Variants in STARD4 observed in about 807,000 individuals in gnomAD.
STARD4 encodes StAR related lipid transfer domain containing 4.
In STARD4, 33 loss-of-function variants were observed where a neutral mutation model predicts 24.9. That is an observed-to-expected ratio of 1.32 (90% CI 1.00 to 1.77). The LOEUF (loss-of-function observed/expected upper bound fraction) is 1.77, where lower values mean the gene tolerates loss of function less well. Ranked by LOEUF, STARD4 falls within the 40% of genes most tolerant of loss-of-function variation. The probability of loss-of-function intolerance (pLI) is 0.00; values close to 1 mark genes in which losing one functional copy is unlikely to be tolerated. For synonymous variants in STARD4, 88 were observed against 77.4 expected, an observed-to-expected ratio of 1.14 and a Z score of -0.72; for missense variants, 238 against 249.3, an observed-to-expected ratio of 0.95 and a Z score of 0.31.
At chr5:111,509,098 G>A (rs1450820411) in intron 1 of STARD4, among the ~76,000 whole-genome samples, 3 of 151,974 alleles carry the variant, frequency 2.0e-5, no homozygotes, top group Non-Finnish European at 4.4e-5. Flanking sequence ...CCATTCAAGA[G>A]GCTGTCAACT....
Position 111,506,335 on chromosome 5 carries a change from T to G in STARD4, c.150A>C (p.Gly50=). ...VWRKPSEEFN[G]YLYKAQGVID... is the part of the protein sequence containing the mutation. ...GTCTATAAAAAGTTACTTACAGATA[T>G]CCATTAAATTCTTCTGAGGGTTTTC... The change falls in exon 3 of 6, where the codon GGA becomes GGC. Residue 50 remains glycine (G), a synonymous_variant. Transcript: ENST00000296632. The G allele has an allele frequency of 1.3e-6, 2 of 1,491,446 alleles. No homozygotes were observed. Among genetic ancestry groups the G allele is most frequent in the Non-Finnish European group, 1.8e-6 (2 of 1,086,168 alleles). The allele number at this position is 1,491,446 out of a possible 1,614,324, so 92.4% of individuals were successfully genotyped here.
At chr5:111,500,594 A>G (rs1330495396) in intron 5 of STARD4, 1 of 1,103,586 alleles carries the variant, frequency 9.1e-7, no homozygotes, top group Non-Finnish European at 1.1e-6. Context: ...CAATGGCAGT[A>G]TTTTTAATCT....
intron 3 of STARD4, among the ~76,000 whole-genome samples, chr5:111,503,626 T>TCAAA (rs750810147): frequency 2.0e-5 from 3 of 152,146 alleles, no homozygotes; most frequent in African/African-American, 4.8e-5. Flanking sequence ...AAACTCCGTC[T>TCAAA]CAAACAAACA....
rs374539997 is a variant in STARD4, at chr5:111,499,955, C to T, written c.549G>A (p.Gln183=). 15 of 1,614,150 alleles carry T rather than the reference C, an allele frequency of 9.3e-6. No homozygotes were observed. The African/African-American group carries it at 2.0e-4, about 22-fold the overall frequency. ...IQTDLRGMIP[Q]SAVDTAMAST... ...TTGCCATGGCTGTATCTACCGCAGA[C>T]TGAGGAATCATCCCACGCAGATCTG... The change falls in exon 6 of 6, where the codon CAG becomes CAA. Residue 183 remains glutamine, a synonymous_variant. Coordinates refer to ENST00000296632, the MANE Select transcript of STARD4 (RefSeq NM_139164.3).
intron 1 of STARD4, among the ~76,000 whole-genome samples, chr5:111,509,333 A>G (rs771492696): frequency 3.9e-5 from 6 of 152,160 alleles, no homozygotes; most frequent in Non-Finnish European, 8.8e-5. Context: ...AGTTATTATT[A>G]TCATAAGCAA....
chr5:111,508,867 T>C (rs1166982202), intron 1 of STARD4, among the ~76,000 whole-genome samples: 1 of 152,148 alleles, frequency 6.6e-6, no homozygotes, highest in Admixed American at 6.5e-5. Flanking sequence ...ATTAAGGTTG[T>C]AGCCAATATT....
intron 3 of STARD4, among the ~76,000 whole-genome samples, chr5:111,505,263 T>C (rs1419580445): frequency 1.3e-5 from 2 of 152,216 alleles, no homozygotes; most frequent in South Asian, 2.1e-4. Context: ...ATTACTAATT[T>C]AAAGAATTAA....
At chr5:111,509,521 C>A (rs1230165668) in intron 1 of STARD4, among the ~76,000 whole-genome samples, 1 of 152,046 alleles carries the variant, frequency 6.6e-6, no homozygotes, top group East Asian at 1.9e-4. Context: ...ATTTTCATTA[C>A]CTAATTTCCA....
chr5:111,509,354 T>C (rs1343010521), intron 1 of STARD4, among the ~76,000 whole-genome samples: 1 of 152,136 alleles, frequency 6.6e-6, no homozygotes, highest in Non-Finnish European at 1.5e-5. Flanking sequence ...ACATTATCAC[T>C]GGGCAAATCC....
At chr5:111,505,153 C>T in intron 3 of STARD4, 1 of 398,806 alleles carries the variant, frequency 2.5e-6, no homozygotes, top group Non-Finnish European at 4.9e-6. Context: ...TTATTCTTCC[C>T]TTAAGTGTTA....
Position 111,501,992 on chromosome 5 carries a change from A to C in STARD4, c.252T>G (p.Thr84=), listed in dbSNP as rs368343991. Residue 84 remains threonine, a synonymous_variant, in exon 4 of 6, where the codon ACT becomes ACG. Transcript: ENST00000296632. The part of the protein sequence containing the change: ...PCRLDWDSLM[T]SLDILENFEE... ...CAAAGTTCTCCAGAATATCCAAAGA[A>C]GTCATCAAGCTGTCCCAATCCAAAC... The C allele has an allele frequency of 4.3e-6, 7 of 1,614,054 alleles. No individual in the cohort carries two copies. The highest frequency in any genetic ancestry group is 5.9e-6 in the Non-Finnish European group (7 of 1,180,034).
intron 1 of STARD4, among the ~76,000 whole-genome samples, chr5:111,509,601 A>C (rs1757099812): frequency 6.6e-6 from 1 of 152,110 alleles, no homozygotes; most frequent in Non-Finnish European, 1.5e-5. Flanking sequence ...GCAACTCTGT[A>C]CTGTAATTAT....
chr5:111,506,499 C>T (rs1360062320), intron 2 of STARD4, 120 bp from the exon 3 acceptor site: 2 of 435,392 alleles, frequency 4.6e-6, no homozygotes, highest in Non-Finnish European at 8.2e-6. Context: ...AGTACATTTT[C>T]AGAATACATA....
Position 111,499,737 on chromosome 5 carries a change from A to T in STARD4, c.*149T>A. 2 of 691,848 alleles carry T rather than the reference A, an allele frequency of 2.9e-6. No homozygotes were observed. Among genetic ancestry groups the T allele is most frequent in the Non-Finnish European group, 2.4e-6 (1 of 417,788 alleles). 42.9% of individuals were successfully genotyped at this position (691,848 alleles called of 1,614,324 possible). On this transcript the variant is annotated 3_prime_UTR_variant, in exon 6 of 6. Coordinates refer to ENST00000296632, the MANE Select transcript of STARD4 (RefSeq NM_139164.3). ...CCTCTCTTAGATAGCTATTTACTTT[A>T]GGAATAAAACCAAACATTGTACTAG... is the stretch of plus-strand genomic sequence containing the variant.
Position 111,501,973 on chromosome 5 carries a change from T to C in STARD4, c.271A>G (p.Asn91Asp). Residue 91 changes from asparagine to aspartate, a missense_variant, in exon 4 of 6, where the codon AAC (asparagine) becomes GAC (aspartate). By Grantham distance (23) the Asn-to-Asp change is conservative. Coordinates refer to ENST00000296632, the MANE Select transcript of STARD4 (RefSeq NM_139164.3). ...SLMTSLDILE[N>D]FEENCCVMRY... Reference sequence around the variant, plus strand: ...TTCTAAATAGATACCTCTTCAAAGTTCTCCAGAATATCCAAAGAAGTCATC... The same window carrying C: ...TTCTAAATAGATACCTCTTCAAAGTCCTCCAGAATATCCAAAGAAGTCATC... The C allele has an allele frequency of 6.2e-7, 1 of 1,613,946 alleles. No homozygotes were observed. The highest frequency in any genetic ancestry group is 8.5e-7 in the Non-Finnish European group (1 of 1,179,966).
At chr5:111,501,401 A>G (rs1431791677) in intron 4 of STARD4, among the ~76,000 whole-genome samples, 1 of 152,218 alleles carries the variant, frequency 6.6e-6, no homozygotes, top group Non-Finnish European at 1.5e-5. Flanking sequence ...TCCAAATGGA[A>G]TTAGGGATGT....
Position 111,499,765 on chromosome 5 carries a change from A to G in STARD4, c.*121T>C. ...AATAAAACCAAACATTGTACTAGTG[A>G]ACCAAAAACATTTCAAATTTTTCTA... On this transcript the variant is annotated 3_prime_UTR_variant, in exon 6 of 6. Transcript: ENST00000296632. 1 of 885,212 alleles carries G rather than the reference A, an allele frequency of 1.1e-6. No homozygotes were observed. Among genetic ancestry groups the G allele is most frequent in the Non-Finnish European group, 1.7e-6 (1 of 577,022 alleles). 54.8% of individuals were successfully genotyped at this position (885,212 alleles called of 1,614,324 possible).
chr5:111,498,529 A>G lies in STARD4; in HGVS notation c.*1357T>C, dbSNP rs1475479473. On this transcript the variant is annotated 3_prime_UTR_variant, in exon 6 of 6. Transcript: ENST00000296632. ...TAAAAAATAGATGAAGTCAAAACTA[A>G]CATTTACCAATTTCCATGAGAAACT... The G allele has an allele frequency of 6.6e-6, 1 of 152,008 alleles. No homozygotes were observed. The highest frequency in any genetic ancestry group is 1.5e-5 in the Non-Finnish European group (1 of 67,954). 9.4% of individuals were successfully genotyped at this position (152,008 alleles called of 1,614,324 possible). A position where few individuals can be genotyped will look rare whatever the true frequency, so the allele number is the denominator to read the frequency against.
rs566603962 is a variant in STARD4, at chr5:111,507,092, G to A, written c.105+237C>T. Among the ~76,000 whole-genome samples, 32 of 152,258 alleles carry A rather than the reference G, an allele frequency of 2.1e-4. No individual in the cohort carries two copies. The highest frequency in any genetic ancestry group is 3.3e-4 in the Admixed American group (5 of 15,298). ...CCATTCTTTAGGTTCTAGTTGCCAT[G>A]AGCCTATTCTCTTGTCTAATATCCA... is the stretch of plus-strand genomic sequence containing the variant. On this transcript the variant is annotated intron_variant, in intron 2 of 5. Transcript: ENST00000296632. This position sits in a 1 kb window ranked among gnomAD's most constrained non-coding sequence, Gnocchi z 4.4.
Sources: gnomAD v4.1 joint callset for allele counts (sites outside exome capture counted in the v4.1 genomes callset) on GRCh38, gnomAD v4.1.1 for gene constraint, Gnocchi (gnomAD v3.1) non-coding constraint, MANE v1.5 for transcripts, NCBI Gene and HGNC (gene_info 2026-07-23, HGNC 2026-07-21) for gene names.